The following C8orf34 variants were observed in gnomAD, a reference collection of about 807,000 sequenced individuals.
C8orf34 encodes the protein uncharacterized protein C8orf34.
A neutral mutation model predicts 68.3 loss-of-function variants in C8orf34; 65 were observed. The ratio of observed to expected loss-of-function variants is 0.95; its 90% CI spans 0.78 to 1.17. The LOEUF (loss-of-function observed/expected upper bound fraction) is 1.17. Among genes scored for constraint, C8orf34 ranks in the 50% most tolerant of loss-of-function variants. C8orf34 has a pLI of 0.00. For synonymous variants in C8orf34, 244 were observed against 241.2 expected, an observed-to-expected ratio of 1.01 and a Z score of -0.11; for missense variants, 664 against 655.4, an observed-to-expected ratio of 1.01 and a Z score of -0.14.
intron 1 of C8orf34, among the ~76,000 whole-genome samples, chr8:68,378,778 C>A (rs1366219523): frequency 6.6e-6 from 1 of 152,100 alleles, no homozygotes; most frequent in African/African-American, 2.4e-5. Context: ...TACTTGTAAG[C>A]CTGAGCATCT....
At chr8:68,635,076 A>G (rs1156797767) in intron 7 of C8orf34, among the ~76,000 whole-genome samples, 1 of 152,196 alleles carries the variant, frequency 6.6e-6, no homozygotes, top group Non-Finnish European at 1.5e-5. Context: ...ATCTGCTAGG[A>G]AATCCTCAAA....
intron 12 of C8orf34, among the ~76,000 whole-genome samples, chr8:68,811,589 C>T (rs1024927979): frequency 1.8e-4 from 27 of 152,222 alleles, no homozygotes; most frequent in African/African-American, 6.0e-4. Flanking sequence ...CAATCACTAA[C>T]ATTAAATAGA....
At chr8:68,434,025 G>A (rs1180016510) in intron 1 of C8orf34, among the ~76,000 whole-genome samples, 1 of 152,132 alleles carries the variant, frequency 6.6e-6, no homozygotes, top group African/African-American at 2.4e-5. Context: ...GCCCTTACAT[G>A]TTGCATAATA....
intron 5 of C8orf34, among the ~76,000 whole-genome samples, chr8:68,500,692 T>C (rs1251148689): frequency 6.6e-6 from 1 of 151,510 alleles, no homozygotes; most frequent in Non-Finnish European, 1.5e-5. Flanking sequence ...GAGAAAAAAA[T>C]GGTAGGGCAA....
At chr8:68,367,984 T>G (rs2129619675) in intron 1 of C8orf34, among the ~76,000 whole-genome samples, 1 of 149,556 alleles carries the variant, frequency 6.7e-6, no homozygotes, top group Non-Finnish European at 1.5e-5. Flanking sequence ...TGGTAATTTC[T>G]ACTCTGCTCT....
chr8:68,533,030 A>G lies in C8orf34; in HGVS notation c.986A>G (p.Gln329Arg). ...KNKGLKQQQQ[Q>R]HKKLLAAMLS... ...AAAGGATTAAAACAGCAGCAACAGC[A>G]ACATAAGAAACTCCTGGCCGCAATG... The change falls in exon 7 of 14, where the codon CAA (glutamine) becomes CGA (arginine). Residue 329 changes from glutamine (Q) to arginine (R), a missense_variant. Physicochemically the swap from Gln to Arg is conservative, Grantham distance 43 (BLOSUM62 1). Transcript: ENST00000518698. 6.2e-7 allele frequency: 1 copy of G among 1,610,300 alleles called. No individual in the cohort carries two copies. Among genetic ancestry groups the G allele is most frequent in the Non-Finnish European group, 8.5e-7 (1 of 1,176,794 alleles).
At chr8:68,356,979 A>G (rs961117556) in intron 1 of C8orf34, among the ~76,000 whole-genome samples, 10 of 152,230 alleles carry the variant, frequency 6.6e-5, no homozygotes, top group South Asian at 2.1e-4. Context: ...TTGAAACAAT[A>G]TATCTATTCG....
At chr8:68,786,901 G>A (rs1230207555) in intron 11 of C8orf34, among the ~76,000 whole-genome samples, 1 of 152,152 alleles carries the variant, frequency 6.6e-6, no homozygotes, top group East Asian at 1.9e-4. Flanking sequence ...AGTCAGGGTG[G>A]GAGATAATGA....
chr8:68,410,795 C>T (rs2129622135), intron 1 of C8orf34, among the ~76,000 whole-genome samples: 1 of 152,292 alleles, frequency 6.6e-6, no homozygotes, highest in African/African-American at 2.4e-5. Flanking sequence ...GGTTCTTTGA[C>T]TTTCTCCTGT....
chr8:68,610,776 T>C (rs2130558771), intron 7 of C8orf34, among the ~76,000 whole-genome samples: 1 of 152,166 alleles, frequency 6.6e-6, no homozygotes, highest in Non-Finnish European at 1.5e-5. Context: ...GTACATTTTA[T>C]TTATGTATTC....
At chr8:68,466,796 C>T (rs1392932644) in intron 3 of C8orf34, among the ~76,000 whole-genome samples, 1 of 137,824 alleles carries the variant, frequency 7.3e-6, no homozygotes, top group African/African-American at 2.9e-5. Flanking sequence ...ATGACTTTAC[C>T]AGACATAAGA....
chr8:68,394,208 A>T (rs1808593919), intron 1 of C8orf34, among the ~76,000 whole-genome samples: 1 of 150,846 alleles, frequency 6.6e-6, no homozygotes, highest in Non-Finnish European at 1.5e-5. Context: ...ATCTAACATT[A>T]GGTATATCTC....
In C8orf34 at chr8:68,460,000, G is replaced by A. The variant is rs561530117; in HGVS notation, c.608-8692G>A. 1.0e-2 allele frequency among the ~76,000 whole-genome samples: 1,515 copies of A among 152,256 alleles called. 9 individuals carry two copies. The highest frequency in any genetic ancestry group is 0.021 in the Admixed American group (327 of 15,298). On this transcript the variant is annotated intron_variant, in intron 3 of 13. Transcript: ENST00000518698. ...AGCAGGACAAGGCATTGCCTCACTC[G>A]GGAAACACAAGGGGTCAGGGAGTTC...
chr8:68,571,601 T>C (rs1816760447), intron 7 of C8orf34, among the ~76,000 whole-genome samples: 3 of 152,130 alleles, frequency 2.0e-5, no homozygotes. Flanking sequence ...TGTGAATAAG[T>C]ATAAAAAAGA....
intron 6 of C8orf34, among the ~76,000 whole-genome samples, chr8:68,530,950 A>T (rs999105798): frequency 6.6e-6 from 1 of 152,086 alleles, no homozygotes; most frequent in African/African-American, 2.4e-5. Flanking sequence ...AAACCACAGA[A>T]TATTTAAAAG....
rs556204146 is a variant in C8orf34 at position 68,423,656 on chromosome 8, G to A, written c.328-15843G>A. On this transcript the variant is annotated intron_variant, in intron 1 of 13. Coordinates refer to ENST00000518698, the MANE Select transcript of C8orf34 (RefSeq NM_052958.4). The stretch of plus-strand genomic sequence containing the variant: ...ATTCCAAAGTTGCTTCCACATTTTC[G>A]GGTATCTTTACAGCAGCACCCCACT... Among the ~76,000 whole-genome samples the A allele has an allele frequency of 3.9e-5, 6 of 151,916 alleles. No homozygotes were observed. The East Asian group carries it at 1.2e-3, about 29-fold the overall frequency.
intron 1 of C8orf34, among the ~76,000 whole-genome samples, chr8:68,344,538 A>G (rs1563634848): frequency 6.6e-6 from 1 of 152,150 alleles, no homozygotes; most frequent in East Asian, 1.9e-4. Context: ...AATATTACCA[A>G]TGGAGGAACA....
intron 5 of C8orf34, among the ~76,000 whole-genome samples, chr8:68,495,215 T>C (rs1013443932): frequency 4.6e-5 from 7 of 151,522 alleles, no homozygotes; most frequent in African/African-American, 1.7e-4. Context: ...TCTTATTACA[T>C]GTTGAGTGGT....
intron 10 of C8orf34, among the ~76,000 whole-genome samples, chr8:68,772,670 CTTCT>C (rs923731831): frequency 1.1e-4 from 17 of 151,824 alleles, no homozygotes; most frequent in Admixed American, 5.3e-4. Context: ...TTCTTTCTTC[CTTCT>C]TTCTTTCTTT....
Sources: allele counts gnomAD v4.1 joint callset (sites outside exome capture counted in the v4.1 genomes callset), GRCh38; gene constraint gnomAD v4.1.1; transcripts MANE v1.5; gene names NCBI Gene and HGNC (gene_info 2026-07-23, HGNC 2026-07-21).